GRIN2C: variants seen among roughly 807,000 people sequenced by gnomAD.
GRIN2C encodes the protein glutamate ionotropic receptor NMDA type subunit 2C.
A neutral mutation model predicts 77.7 loss-of-function variants in GRIN2C; 64 were observed. The ratio of observed to expected loss-of-function variants is 0.82; its 90% CI spans 0.67 to 1.01. The LOEUF (loss-of-function observed/expected upper bound fraction) is 1.01. Among genes scored for constraint, GRIN2C ranks in the 50% least tolerant of loss-of-function variants. The pLI, the probability that GRIN2C is intolerant of heterozygous loss-of-function variation, is 0.00. For missense variants in GRIN2C, 1,549 were observed against 1,486.0 expected (o/e 1.04, Z -0.70); for synonymous variants, 792 against 643.4 (o/e 1.23, Z -3.49).
At position 74,852,354 on chromosome 17, in the gene GRIN2C, G is replaced by A. The variant is rs2037678507; in HGVS notation, c.657C>T (p.Leu219=). 3 of 1,453,296 alleles carry A rather than the reference G, an allele frequency of 2.1e-6. No homozygotes were observed. Among genetic ancestry groups the A allele is most frequent in the Non-Finnish European group, 2.7e-6 (3 of 1,110,444 alleles). The allele number at this position is 1,453,296 out of a possible 1,614,324, so 90.0% of individuals were successfully genotyped here. A position where few individuals can be genotyped will look rare whatever the true frequency, so the allele number is the denominator to read the frequency against. ...AGTAGGCCACAAACACGGGCGCGTCGAGCTGGCGCAGCAGGCGCTGCGTGC... is the reference window on the plus strand; with the variant it reads ...AGTAGGCCACAAACACGGGCGCGTCAAGCTGGCGCAGCAGGCGCTGCGTGC... The part of the protein sequence containing the change: ...RARTQRLLRQ[L]DAPVFVAYCS... The change falls in exon 3 of 13, where the codon CTC becomes CTT. Residue 219 remains leucine (L), a synonymous_variant. Coordinates refer to ENST00000293190, the MANE Select transcript of GRIN2C (RefSeq NM_000835.6).
Position 74,842,164 on chromosome 17 carries a change from C to T in GRIN2C, c.*271G>A. On this transcript the variant is annotated 3_prime_UTR_variant, in exon 13 of 13. Transcript: ENST00000293190. Reference sequence around the variant, plus strand: ...GCAGCCATGACCAGTAACTGGCTAGCCCCAGGGAAGGGAGAGCCTCAGGAG... The same window carrying T: ...GCAGCCATGACCAGTAACTGGCTAGTCCCAGGGAAGGGAGAGCCTCAGGAG... 1 of 435,658 alleles carries T rather than the reference C, an allele frequency of 2.3e-6. No homozygotes were observed. Among genetic ancestry groups the T allele is most frequent in the Non-Finnish European group, 4.1e-6 (1 of 245,420 alleles). The allele number at this position is 435,658 out of a possible 1,614,324, so 27.0% of individuals were successfully genotyped here. A position where few individuals can be genotyped will look rare whatever the true frequency, so the allele number is the denominator to read the frequency against.
rs2037483196 is a variant in GRIN2C, at chr17:74,847,174, C to G, written c.2001+134G>C. The G allele has an allele frequency of 3.9e-6, 3 of 777,246 alleles. No homozygotes were observed. Among genetic ancestry groups the G allele is most frequent in the Admixed American group, 2.4e-5 (1 of 41,810 alleles). 48.1% of individuals were successfully genotyped at this position (777,246 alleles called of 1,614,324 possible). A position where few individuals can be genotyped will look rare whatever the true frequency, so the allele number is the denominator to read the frequency against. ...GCCCCAGCCCCCAACCCCTTCTCAG[C>G]AGGCCCTGAAGCTTCTTCCTGCCCC... On this transcript the variant is annotated intron_variant, in intron 9 of 12. Coordinates refer to ENST00000293190, the MANE Select transcript of GRIN2C (RefSeq NM_000835.6). This position sits in a 1 kb window ranked among gnomAD's most constrained non-coding sequence, Gnocchi z 5.2.
chr17:74,851,369 G>A (rs1019974340), intron 4 of GRIN2C: 1 of 556,962 alleles, frequency 1.8e-6, no homozygotes, highest in African/African-American at 1.9e-5. Context: ...GGGAAGCCGG[G>A]GTGTTATGGG....
intron 4 of GRIN2C, chr17:74,851,336 C>G (rs193222551): frequency 2.1e-6 from 1 of 486,054 alleles, no homozygotes; most frequent in South Asian, 3.1e-5. Flanking sequence ...GAGATAGGAG[C>G]GCTTGAAATG....
Position 74,852,267 on chromosome 17 carries a change from G to A in GRIN2C, c.744C>T (p.Pro248=). 7.1e-7 allele frequency: 1 copy of A among 1,401,412 alleles called. No homozygotes were observed. The highest frequency in any genetic ancestry group is 9.2e-7 in the Non-Finnish European group (1 of 1,083,274). 86.8% of individuals were successfully genotyped at this position (1,401,412 alleles called of 1,614,324 possible). A position where few individuals can be genotyped will look rare whatever the true frequency, so the allele number is the denominator to read the frequency against. The stretch of plus-strand genomic sequence containing the variant: ...GGTTGGGCACCAGCCACACGTGGCC[G>A]GGCCCCACCAGACCGGCCTGCGCCG... ...AEAAQAGLVG[P]GHVWLVPNLA... is the part of the protein sequence containing the mutation. Residue 248 remains proline (P), a synonymous_variant, in exon 3 of 13, where the codon CCC becomes CCT. Transcript: ENST00000293190.
At chr17:74,857,043 C>T (rs2037838903) in intron 1 of GRIN2C, among the ~76,000 whole-genome samples, 1 of 152,174 alleles carries the variant, frequency 6.6e-6, no homozygotes, top group African/African-American at 2.4e-5. Context: ...GTGGAATGTC[C>T]CTATGGGTGA....
rs41282061 is a variant in GRIN2C, at chr17:74,846,085, G to A, written c.2331C>T (p.Leu777=). ...ACCCACCGTCCCCCAGGAACTGCAA[G>A]AGCGCCAGGTCTATGGCCCGCTTCC... ...SHWKRAIDLA[L]LQFLGDGETQ... The change falls in exon 11 of 13, where the codon CTC becomes CTT. Residue 777 remains leucine, a synonymous_variant. Transcript: ENST00000293190. This position sits in a 1 kb window ranked among gnomAD's most constrained non-coding sequence, Gnocchi z 4.4. 2.5e-6 allele frequency: 4 copies of A among 1,614,170 alleles called. No homozygotes were observed. Among genetic ancestry groups the A allele is most frequent in the Admixed American group, 1.7e-5 (1 of 60,030 alleles).
Position 74,849,803 on chromosome 17 carries a change from G to A in GRIN2C, c.1622C>T (p.Thr541Ile), listed in dbSNP as rs754972221. ...ISVMVARSNGTVSPSAFLEPY... is the reference protein window; with the variant it reads ...ISVMVARSNGIVSPSAFLEPY... ...ACCCAAGAAGGCCGAGGGGGAGACG[G>A]TGCCATTGCTGCGAGCCACCATCAC... The change falls in exon 7 of 13, where the codon ACC becomes ATC. Residue 541 changes from threonine (T) to isoleucine (I), a missense_variant. Around this residue, in one of 3 missense-constraint regions of GRIN2C, gnomAD observed 717 missense variants for 858.1 expected, o/e 0.84. Coordinates refer to ENST00000293190, the MANE Select transcript of GRIN2C (RefSeq NM_000835.6). The surrounding 1 kb of genome is among the most constrained non-coding windows in gnomAD (Gnocchi z 4.6). The A allele has an allele frequency of 6.2e-7, 1 of 1,612,714 alleles. No homozygotes were observed. Among genetic ancestry groups the A allele is most frequent in the Admixed American group, 1.7e-5 (1 of 59,672 alleles).
At position 74,842,807 on chromosome 17, in the gene GRIN2C, G is replaced by A. The variant is rs939131728; in HGVS notation, c.3330C>T (p.Gly1110=). 8.1e-6 allele frequency: 5 copies of A among 614,370 alleles called. No homozygotes were observed. In the African/African-American group the frequency reaches 9.8e-5, roughly 12 times the overall value. The allele number at this position is 614,370 out of a possible 1,614,324, so 38.1% of individuals were successfully genotyped here. A position where few individuals can be genotyped will look rare whatever the true frequency, so the allele number is the denominator to read the frequency against. The change falls in exon 13 of 13, where the codon GGC becomes GGT. Residue 1110 remains glycine (G), a synonymous_variant. Transcript: ENST00000293190. ...GCGCCAAGCGCCTGCAGGCCGAGTG[G>A]CCGTCGGGGCGGGCGCAGGCGGGGC... ...CTGPACARPD[G]HSACRRLAQA...
chr17:74,851,994 G>T lies in GRIN2C; in HGVS notation c.998+19C>A. The T allele has an allele frequency of 1.4e-6, 2 of 1,460,234 alleles. No individual in the cohort carries two copies. The highest frequency in any genetic ancestry group is 1.8e-6 in the Non-Finnish European group (2 of 1,101,894). The allele number at this position is 1,460,234 out of a possible 1,614,324, so 90.5% of individuals were successfully genotyped here. ...GCGCTCCCCACCTCCCTACCCCTAT[G>T]CCCCGGGCAGGTGCCCACCTGTAGA... On this transcript the variant is annotated intron_variant, in intron 3 of 12. Coordinates refer to ENST00000293190, the MANE Select transcript of GRIN2C (RefSeq NM_000835.6).
In GRIN2C at chr17:74,852,372, C is replaced by A; in HGVS notation, c.639G>T (p.Gln213His). ...LGPGGPRART[Q>H]RLLRQLDAPV... is the part of the protein sequence containing the mutation. Reference sequence around the variant, plus strand: ...GCGCGTCGAGCTGGCGCAGCAGGCGCTGCGTGCGCGCGCGCGGCCCTCCCG... The same window carrying A: ...GCGCGTCGAGCTGGCGCAGCAGGCGATGCGTGCGCGCGCGCGGCCCTCCCG... The change falls in exon 3 of 13, where the codon CAG becomes CAT. Residue 213 changes from glutamine (Q) to histidine (H), a missense_variant. Around this residue, in one of 3 missense-constraint regions of GRIN2C, gnomAD observed 382 missense variants for 360.0 expected, o/e 1.06. Coordinates refer to ENST00000293190, the MANE Select transcript of GRIN2C (RefSeq NM_000835.6). 1 of 1,445,880 alleles carries A rather than the reference C, an allele frequency of 6.9e-7. No homozygotes were observed. The highest frequency in any genetic ancestry group is 9.0e-7 in the Non-Finnish European group (1 of 1,107,648). The allele number at this position is 1,445,880 out of a possible 1,614,324, so 89.6% of individuals were successfully genotyped here.
chr17:74,850,146 G>T lies in GRIN2C; in HGVS notation c.1491+60C>A. 1 of 1,574,208 alleles carries T rather than the reference G, an allele frequency of 6.4e-7. No individual in the cohort carries two copies. The highest frequency in any genetic ancestry group is 8.7e-7 in the Non-Finnish European group (1 of 1,149,498). On this transcript the variant is annotated intron_variant, in intron 6 of 12. Transcript: ENST00000293190. This position sits in a 1 kb window ranked among gnomAD's most constrained non-coding sequence, Gnocchi z 5.3. ...TCTAGAGGGCATCTGAGAGCCACAT[G>T]GGGCCTGGGCAGCAGGTGGGCAGGC...
rs752482303 is a variant in GRIN2C at position 74,846,751 on chromosome 17, G to A, written c.2162+9C>T. ...GATGAAGACAGCGGGTGCAGGGCTGGGGACCCACCCCATCTTGAGGCTGGT... is the reference window on the plus strand; with the variant it reads ...GATGAAGACAGCGGGTGCAGGGCTGAGGACCCACCCCATCTTGAGGCTGGT... On this transcript the variant is annotated intron_variant, in intron 10 of 12. Coordinates refer to ENST00000293190, the MANE Select transcript of GRIN2C (RefSeq NM_000835.6). The surrounding 1 kb of genome is among the most constrained non-coding windows in gnomAD (Gnocchi z 4.4). 1.6e-5 allele frequency: 25 copies of A among 1,612,382 alleles called. No homozygotes were observed. The South Asian group carries it at 2.6e-4, about 17-fold the overall frequency.
At chr17:74,852,701 G>T in intron 2 of GRIN2C, 90 bp from the exon 3 acceptor site, 1 of 569,764 alleles carries the variant, frequency 1.8e-6, no homozygotes, top group Non-Finnish European at 2.8e-6. Flanking sequence ...CAGCTCCCAG[G>T]CGCCCTTGCG....
In GRIN2C at chr17:74,852,462, G is replaced by A. The variant is rs2037687713; in HGVS notation, c.549C>T (p.Arg183=). 1.3e-6 allele frequency: 2 copies of A among 1,552,292 alleles called. No homozygotes were observed. Among genetic ancestry groups the A allele is most frequent in the Middle Eastern group, 3.4e-4 (2 of 5,922 alleles). The change falls in exon 3 of 13, where the codon CGC becomes CGT. Residue 183 remains arginine, a synonymous_variant. Coordinates refer to ENST00000293190, the MANE Select transcript of GRIN2C (RefSeq NM_000835.6). ...PGHALFLEGV[R]AVADASHVSW... ...TCACGTGGCTGGCGTCGGCGACGGCGCGCACGCCCTCCAGGAAGAGCGCGT... is the reference window on the plus strand; with the variant it reads ...TCACGTGGCTGGCGTCGGCGACGGCACGCACGCCCTCCAGGAAGAGCGCGT...
chr17:74,861,057 G>C (rs1208920506), upstream of GRIN2C, among the ~76,000 whole-genome samples: 2 of 152,164 alleles, frequency 1.3e-5, no homozygotes, highest in Admixed American at 1.3e-4. Context: ...CAACAGTTTG[G>C]GTCCGCGGCA....
upstream of GRIN2C, among the ~76,000 whole-genome samples, chr17:74,861,209 C>T (rs978383312): frequency 2.6e-5 from 4 of 152,170 alleles, no homozygotes; most frequent in African/African-American, 9.7e-5. Context: ...TCGGCCTCTT[C>T]TTCGCCTTCT....
intron 2 of GRIN2C, chr17:74,854,102 G>T: frequency 6.6e-6 from 1 of 152,548 alleles, no homozygotes; most frequent in Non-Finnish European, 1.5e-5. Context: ...TAGGCCCTCA[G>T]CCTAGACATC....
chr17:74,842,069 ACT>A lies in GRIN2C; in HGVS notation c.*364_*365del, dbSNP rs1293354123. The A allele has an allele frequency of 1.2e-5, 3 of 253,038 alleles. No individual in the cohort carries two copies. The highest frequency in any genetic ancestry group is 5.7e-5 in the Admixed American group (1 of 17,458). 15.7% of individuals were successfully genotyped at this position (253,038 alleles called of 1,614,324 possible). A position where few individuals can be genotyped will look rare whatever the true frequency, so the allele number is the denominator to read the frequency against. On this transcript the variant is annotated 3_prime_UTR_variant, in exon 13 of 13. Coordinates refer to ENST00000293190, the MANE Select transcript of GRIN2C (RefSeq NM_000835.6). ...TGTCCCAGTGCTCTGATGAGAAGAA[ACT>A]CTAGCCAGGTAGAGCAAGGATCGGG...
Sources: allele counts gnomAD v4.1 joint callset (sites outside exome capture counted in the v4.1 genomes callset), GRCh38; gene constraint gnomAD v4.1.1; regional missense constraint gnomAD v4.1.1; non-coding constraint Gnocchi (gnomAD v3.1); transcripts MANE v1.5; gene names NCBI Gene and HGNC (gene_info 2026-07-23, HGNC 2026-07-21).